GALNT13: variants seen among roughly 807,000 people sequenced by gnomAD.
GALNT13 encodes UDP-GalNAc:polypeptide N-acetylgalactosaminyltransferase 13.
A neutral mutation model predicts 64.2 loss-of-function variants in GALNT13; 28 were observed. The observed-to-expected ratio is 0.44, with a 90% CI of 0.32 to 0.60. The LOEUF is 0.60. Ranked by LOEUF, GALNT13 falls within the 20% of genes least tolerant of loss-of-function variation. The pLI is 0.05. For synonymous variants in GALNT13, 214 were observed against 224.6 expected (o/e 0.95, Z 0.42); for missense variants, 577 against 669.8 (o/e 0.86, Z 1.53).
rs1199908252 is a variant in GALNT13, at chr2:154,240,929, C to A, written c.312-1101C>A. ...GAAGGTTTTCCCCTGGAGTCCAGCA[C>A]CTCAGCGGCCTGGGCTGTCTCCTCT... On this transcript the variant is annotated intron_variant, in intron 4 of 12. Coordinates refer to ENST00000392825, the MANE Select transcript of GALNT13 (RefSeq NM_052917.4). 8.5e-5 allele frequency among the ~76,000 whole-genome samples: 13 copies of A among 152,258 alleles called. No homozygotes were observed. The East Asian group carries it at 2.5e-3, about 30-fold the overall frequency.
At chr2:153,110,904 G>C in the GALNT13 span, among the ~76,000 whole-genome samples, 38 of 152,020 alleles carry the variant, frequency 2.5e-4, no homozygotes, top group Admixed American at 1.8e-3. Flanking sequence ...TCCTAAACAA[G>C]GTTCTTTCAA....
At chr2:153,363,191 GA>G in the GALNT13 span, among the ~76,000 whole-genome samples, 1 of 151,970 alleles carries the variant, frequency 6.6e-6, no homozygotes, top group Non-Finnish European at 1.5e-5. Context: ...CCAAGGAGAA[GA>G]AAGGCACAAT....
chr2:153,825,360 G>A, the GALNT13 span, among the ~76,000 whole-genome samples: 7 of 152,194 alleles, frequency 4.6e-5, no homozygotes, highest in Non-Finnish European at 1.0e-4. Context: ...GTGGTAGGAA[G>A]GAGATTATAA....
At chr2:153,632,303 A>G in the GALNT13 span, among the ~76,000 whole-genome samples, 3 of 152,190 alleles carry the variant, frequency 2.0e-5, no homozygotes, top group Non-Finnish European at 2.9e-5. Context: ...GAGTTTCCCC[A>G]TTACTAACAT....
At chr2:153,836,668 C>G in the GALNT13 span, among the ~76,000 whole-genome samples, 1 of 144,770 alleles carries the variant, frequency 6.9e-6, no homozygotes, top group Non-Finnish European at 1.5e-5. Context: ...TCCCCCCTCC[C>G]CACAACGGTC....
intron 3 of GALNT13, among the ~76,000 whole-genome samples, chr2:154,058,956 T>C (rs1199930753): frequency 6.6e-6 from 1 of 152,162 alleles, no homozygotes; most frequent in Non-Finnish European, 1.5e-5. Flanking sequence ...AAAAGGCTAT[T>C]ATAGTAATCC....
At chr2:154,380,452 C>T (rs1698212423) in intron 9 of GALNT13, among the ~76,000 whole-genome samples, 1 of 151,604 alleles carries the variant, frequency 6.6e-6, no homozygotes, top group Non-Finnish European at 1.5e-5. Flanking sequence ...TTAATATTTC[C>T]AAAAGTTCAA....
intron 3 of GALNT13, among the ~76,000 whole-genome samples, chr2:154,001,900 C>A: frequency 6.6e-6 from 1 of 152,018 alleles, no homozygotes; most frequent in Non-Finnish European, 1.5e-5. Flanking sequence ...CATTCCCCTT[C>A]ATGTTTGAAG....
intron 4 of GALNT13, among the ~76,000 whole-genome samples, chr2:154,147,371 G>C (rs1226100376): frequency 4.9e-5 from 7 of 143,338 alleles, no homozygotes; most frequent in Non-Finnish European, 9.1e-5. Context: ...ATATATATTT[G>C]AATGGAATTT....
chr2:153,142,795 T>G, the GALNT13 span, among the ~76,000 whole-genome samples: 1 of 151,968 alleles, frequency 6.6e-6, no homozygotes. Flanking sequence ...TTTGTCTTGT[T>G]GAGCTCATGT....
chr2:153,590,805 A>T, the GALNT13 span, among the ~76,000 whole-genome samples: 1 of 152,116 alleles, frequency 6.6e-6, no homozygotes, highest in Non-Finnish European at 1.5e-5. Context: ...CCAGATATAG[A>T]AGGATTGTGT....
intron 2 of GALNT13, among the ~76,000 whole-genome samples, 170 bp from the exon 3 acceptor site, chr2:153,944,224 A>G (rs766628599): frequency 1.3e-4 from 20 of 152,162 alleles, no homozygotes; most frequent in Non-Finnish European, 2.5e-4. Flanking sequence ...ATGTTAGCCA[A>G]CTAGCTTGCT....
chr2:154,155,582 A>G (rs1490070956), intron 4 of GALNT13, among the ~76,000 whole-genome samples: 3 of 152,078 alleles, frequency 2.0e-5, no homozygotes, highest in Non-Finnish European at 4.4e-5. Flanking sequence ...ATGTGATTTT[A>G]TAGTTAAATA....
At chr2:153,823,902 C>T in the GALNT13 span, among the ~76,000 whole-genome samples, 1 of 151,944 alleles carries the variant, frequency 6.6e-6, no homozygotes, top group African/African-American at 2.4e-5. Flanking sequence ...TCAATAAGAA[C>T]CTTAAACAAT....
At chr2:153,652,432 T>G in the GALNT13 span, among the ~76,000 whole-genome samples, 1 of 151,996 alleles carries the variant, frequency 6.6e-6, no homozygotes, top group African/African-American at 2.4e-5. Flanking sequence ...TTGCCCAACA[T>G]GGCAAAACCC....
chr2:153,806,707 G>A, the GALNT13 span, among the ~76,000 whole-genome samples: 1 of 151,362 alleles, frequency 6.6e-6, no homozygotes, highest in Non-Finnish European at 1.5e-5. Flanking sequence ...ATAGGCAGAG[G>A]AACATACAAA....
the GALNT13 span, among the ~76,000 whole-genome samples, chr2:153,297,686 A>G: frequency 6.6e-6 from 1 of 152,208 alleles, no homozygotes; most frequent in Non-Finnish European, 1.5e-5. Flanking sequence ...ATGATACTAA[A>G]TGAGAAAAGA....
intron 4 of GALNT13, among the ~76,000 whole-genome samples, chr2:154,195,530 T>C (rs561939363): frequency 5.8e-4 from 88 of 152,204 alleles, no homozygotes; most frequent in African/African-American, 2.1e-3. Flanking sequence ...TCAGATGAAA[T>C]ATATCACCCT....
the GALNT13 span, among the ~76,000 whole-genome samples, chr2:153,785,015 C>A: frequency 6.6e-6 from 1 of 152,158 alleles, no homozygotes; most frequent in Non-Finnish European, 1.5e-5. Flanking sequence ...GGTGCAGTCT[C>A]CAGACTGAGG....
Sources: allele counts gnomAD v4.1 joint callset (sites outside exome capture counted in the v4.1 genomes callset), GRCh38; gene constraint gnomAD v4.1.1; transcripts MANE v1.5; gene names NCBI Gene and HGNC (gene_info 2026-07-23, HGNC 2026-07-21).